The following DCDC1 variants were observed in gnomAD, a reference collection of about 807,000 sequenced individuals.
DCDC1 encodes the protein doublecortin domain containing 1, also known as doublecortin domain-containing protein 1.
A neutral mutation model predicts 178.3 loss-of-function variants in DCDC1; 200 were observed. The ratio of observed to expected loss-of-function variants is 1.12; its 90% CI spans 1.00 to 1.26. The LOEUF is 1.26. Ranked by LOEUF, DCDC1 falls within the 50% of genes most tolerant of loss-of-function variation. DCDC1 has a pLI of 0.00. For synonymous variants in DCDC1, 690 were observed against 604.8 expected (o/e 1.14, Z -2.07); for missense variants, 1,983 against 1,749.2 (o/e 1.13, Z -2.38).
Position 31,094,156 on chromosome 11 carries a change from G to A in DCDC1, c.2012C>T (p.Ser671Phe). 1.3e-6 allele frequency: 1 copy of A among 766,198 alleles called. No homozygotes were observed. The highest frequency in any genetic ancestry group is 2.4e-6 in the Non-Finnish European group (1 of 417,794). 47.5% of individuals were successfully genotyped at this position (766,198 alleles called of 1,614,324 possible). A position where few individuals can be genotyped will look rare whatever the true frequency, so the allele number is the denominator to read the frequency against. Residue 671 changes from serine to phenylalanine, a missense_variant, in exon 16 of 39, where the codon TCT becomes TTT. Coordinates refer to ENST00000684477, the MANE Select transcript of DCDC1 (RefSeq NM_001387274.1). ...KVDPNIVLHA[S>F]VSIGKWSFSG... ...GAAACTCCACTTTCCAATGGAAACA[G>A]AGGCATGAAGGACAATATTGGGATC... is the stretch of plus-strand genomic sequence containing the variant.
At chr11:30,969,624 G>T (rs1949667356) in intron 20 of DCDC1, among the ~76,000 whole-genome samples, 1 of 152,174 alleles carries the variant, frequency 6.6e-6, no homozygotes, top group Non-Finnish European at 1.5e-5. Context: ...AATTCCAACA[G>T]TAATTGCTTC....
At chr11:31,089,501 G>A (rs1324986579) in intron 17 of DCDC1, among the ~76,000 whole-genome samples, 1 of 151,940 alleles carries the variant, frequency 6.6e-6, no homozygotes, top group African/African-American at 2.4e-5. Context: ...AAATTGTTCA[G>A]ACACTATTTC....
intron 9 of DCDC1, among the ~76,000 whole-genome samples, chr11:31,179,211 G>C (rs546356980): frequency 2.0e-5 from 3 of 152,268 alleles, no homozygotes; most frequent in Non-Finnish European, 4.4e-5. Context: ...GTGGAGAAAA[G>C]GGAAAAGGAA....
At chr11:30,900,583 A>G in intron 32 of DCDC1, 85 bp from the exon 33 acceptor site, 1 of 1,227,708 alleles carries the variant, frequency 8.1e-7, no homozygotes, top group Non-Finnish European at 1.1e-6. Context: ...AAAATATTTT[A>G]TTATTCATTA....
At chr11:31,085,866 C>G (rs1957441167) in intron 17 of DCDC1, among the ~76,000 whole-genome samples, 1 of 151,986 alleles carries the variant, frequency 6.6e-6, no homozygotes, top group Non-Finnish European at 1.5e-5. Flanking sequence ...CACAACCATG[C>G]TCAGATAATT....
chr11:31,366,384 G>A (rs1951958241), intron 1 of DCDC1, among the ~76,000 whole-genome samples: 1 of 152,220 alleles, frequency 6.6e-6, no homozygotes, highest in African/African-American at 2.4e-5. Flanking sequence ...TTTCTCTGGA[G>A]AGGTGTTCTT....
chr11:30,915,088 G>A (rs1425723181), intron 27 of DCDC1, among the ~76,000 whole-genome samples: 1 of 152,202 alleles, frequency 6.6e-6, no homozygotes, highest in Non-Finnish European at 1.5e-5. Flanking sequence ...TTTTATGAAG[G>A]TGGAGGAAAG....
At chr11:31,253,523 A>G (rs1468142739) in intron 8 of DCDC1, among the ~76,000 whole-genome samples, 3 of 152,138 alleles carry the variant, frequency 2.0e-5, no homozygotes, top group Admixed American at 1.3e-4. Flanking sequence ...AAACAGAAAT[A>G]CTGTATAAAC....
At chr11:30,988,802 C>A (rs528821361) in intron 20 of DCDC1, among the ~76,000 whole-genome samples, 8 of 152,196 alleles carry the variant, frequency 5.3e-5, no homozygotes, top group Non-Finnish European at 1.0e-4. Flanking sequence ...TCGTAGGCTA[C>A]ATGTGGCCCA....
At chr11:30,936,200 A>T (rs1565096965) in intron 21 of DCDC1, among the ~76,000 whole-genome samples, 1 of 152,148 alleles carries the variant, frequency 6.6e-6, no homozygotes, top group Non-Finnish European at 1.5e-5. Flanking sequence ...ATAATTTCTT[A>T]AAAATTGGTC....
chr11:31,102,194 G>A lies in DCDC1; in HGVS notation c.1966C>T (p.His656Tyr), dbSNP rs767004304. 4 of 721,392 alleles carry A rather than the reference G, an allele frequency of 5.5e-6. No individual in the cohort carries two copies. The East Asian group carries it at 7.5e-5, about 13-fold the overall frequency. The allele number at this position is 721,392 out of a possible 1,614,324, so 44.7% of individuals were successfully genotyped here. Residue 656 changes from histidine to tyrosine, a missense_variant, in exon 15 of 39, where the codon CAT (histidine) becomes TAT (tyrosine). Physicochemically the swap from His to Tyr is moderately conservative, Grantham distance 83. Transcript: ENST00000684477. ...AATCCCACCTTGTTCTGTAGAAAAT[G>A]GTTCTCCAAGTCCACCTTTTCAAAC... ...DQFEKVDLEN[H>Y]FLQNKVDPNI...
chr11:31,024,347 A>G (rs1953082873), intron 20 of DCDC1, among the ~76,000 whole-genome samples: 1 of 151,964 alleles, frequency 6.6e-6, no homozygotes, highest in African/African-American at 2.4e-5. Context: ...GATTATCTAC[A>G]GGTCTCATGT....
intron 1 of DCDC1, among the ~76,000 whole-genome samples, chr11:31,350,440 A>G (rs183561883): frequency 1.2e-4 from 18 of 152,264 alleles, no homozygotes; most frequent in Admixed American, 3.9e-4. Flanking sequence ...TAGATATTTT[A>G]AAGATAACTA....
chr11:31,197,655 T>C (rs1278237452), intron 9 of DCDC1, among the ~76,000 whole-genome samples: 2 of 152,092 alleles, frequency 1.3e-5, no homozygotes, highest in African/African-American at 4.8e-5. Flanking sequence ...TGCCATCTGT[T>C]ACTACTGGAG....
chr11:31,205,448 T>C (rs1455473852), intron 9 of DCDC1, among the ~76,000 whole-genome samples: 1 of 152,182 alleles, frequency 6.6e-6, no homozygotes, highest in Non-Finnish European at 1.5e-5. Flanking sequence ...GGGTAATAAT[T>C]GATAGTACTG....
intron 9 of DCDC1, among the ~76,000 whole-genome samples, chr11:31,185,484 G>T (rs75118305): frequency 6.6e-6 from 1 of 151,928 alleles, no homozygotes; most frequent in Non-Finnish European, 1.5e-5. Context: ...AAGACATATA[G>T]TTAGAGTCAG....
At chr11:30,999,767 T>C (rs1206796297) in intron 20 of DCDC1, among the ~76,000 whole-genome samples, 2 of 151,948 alleles carry the variant, frequency 1.3e-5, no homozygotes, top group African/African-American at 4.8e-5. Context: ...TTTAAGAAAA[T>C]ATAAACCTCA....
rs777298018 is a variant in DCDC1, at chr11:30,864,512, T to C, written c.*861A>G. 11 of 152,256 alleles carry C rather than the reference T, an allele frequency of 7.2e-5. No homozygotes were observed. The highest frequency in any genetic ancestry group is 1.2e-4 in the Non-Finnish European group (8 of 68,054). The allele number at this position is 152,256 out of a possible 1,614,324, so 9.4% of individuals were successfully genotyped here. A position where few individuals can be genotyped will look rare whatever the true frequency, so the allele number is the denominator to read the frequency against. On this transcript the variant is annotated 3_prime_UTR_variant, in exon 39 of 39. Transcript: ENST00000684477. Reference sequence around the variant, plus strand: ...AGCAGCTGACTGAAAGGAAATTCTATAAAGCAGATCCTCTATTCCCATTGT... The same window carrying C: ...AGCAGCTGACTGAAAGGAAATTCTACAAAGCAGATCCTCTATTCCCATTGT...
chr11:30,952,422 T>C, intron 21 of DCDC1, 23 bp downstream of exon 21: 1 of 1,519,680 alleles, frequency 6.6e-7, no homozygotes, highest in South Asian at 1.3e-5. Context: ...TCAATGACCA[T>C]CTCTTAAGCT....
Sources: allele counts gnomAD v4.1 joint callset (sites outside exome capture counted in the v4.1 genomes callset), GRCh38; gene constraint gnomAD v4.1.1; transcripts MANE v1.5; gene names NCBI Gene and HGNC (gene_info 2026-07-23, HGNC 2026-07-21).